The following FLYWCH1 variants were observed in gnomAD, a reference collection of about 807,000 sequenced individuals.
FLYWCH1 encodes FLYWCH-type zinc finger-containing protein 1.
Under a neutral mutation model 66.4 loss-of-function variants are expected in FLYWCH1, and 75 were observed. The ratio of observed to expected loss-of-function variants is 1.13; its 90% CI spans 0.94 to 1.37. The LOEUF (loss-of-function observed/expected upper bound fraction) is 1.37. Among genes scored for constraint, FLYWCH1 ranks in the 40% most tolerant of loss-of-function variants. The probability of loss-of-function intolerance (pLI) is 0.00; values close to 1 mark genes in which losing one functional copy is unlikely to be tolerated. For missense variants in FLYWCH1, 1,334 were observed against 1,001.8 expected (o/e 1.33, Z -4.48); for synonymous variants, 595 against 429.9 (o/e 1.38, Z -4.75).
intron 9 of FLYWCH1, among the ~76,000 whole-genome samples, chr16:2,947,070 T>C (rs2071515805): frequency 6.6e-6 from 1 of 152,168 alleles, no homozygotes; most frequent in East Asian, 1.9e-4. Flanking sequence ...TTATTCCTAA[T>C]AGGCAAAAAT....
At chr16:2,938,894 G>A (rs1437262834) in intron 8 of FLYWCH1, among the ~76,000 whole-genome samples, 4 of 149,888 alleles carry the variant, frequency 2.7e-5, no homozygotes, top group African/African-American at 9.9e-5. Flanking sequence ...TTACAGGCGT[G>A]AGTCACTGTG....
At chr16:2,937,624 G>C (rs908652466) in intron 7 of FLYWCH1, among the ~76,000 whole-genome samples, 3 of 152,142 alleles carry the variant, frequency 2.0e-5, no homozygotes, top group Admixed American at 2.0e-4. Context: ...TAGAGGAAGA[G>C]GATGGTGGCC....
At chr16:2,932,970 G>C (rs1207722095) in intron 4 of FLYWCH1, among the ~76,000 whole-genome samples, 160 bp from the exon 5 acceptor site, 1 of 152,028 alleles carries the variant, frequency 6.6e-6, no homozygotes, top group East Asian at 1.9e-4. Context: ...GGTTCAGTGG[G>C]AATGGGTTTG....
At position 2,933,375 on chromosome 16, in the gene FLYWCH1, G is replaced by T. The variant is rs551653171; in HGVS notation, c.1042G>T (p.Val348Leu). ...AGCCCGGCGGCAGCAGGAGAAGGCCGTGGAGACGCTGCAGGCTGGGCAGGA... is the reference window on the plus strand; with the variant it reads ...AGCCCGGCGGCAGCAGGAGAAGGCCTTGGAGACGCTGCAGGCTGGGCAGGA... ...LEARRQQEKA[V>L]ETLQAGQDGP... The change falls in exon 5 of 10, where the codon GTG becomes TTG. Residue 348 changes from valine (V) to leucine (L), a missense_variant. Physicochemically the swap from Val to Leu is conservative, Grantham distance 32. Coordinates refer to ENST00000253928, the MANE Select transcript of FLYWCH1 (RefSeq NM_001308068.2). The T allele has an allele frequency of 6.2e-7, 1 of 1,602,636 alleles. No individual in the cohort carries two copies. The highest frequency in any genetic ancestry group is 8.5e-7 in the Non-Finnish European group (1 of 1,175,316).
chr16:2,925,103 C>G (rs1446202394), intron 2 of FLYWCH1, among the ~76,000 whole-genome samples: 1 of 152,212 alleles, frequency 6.6e-6, no homozygotes, highest in Non-Finnish European at 1.5e-5. Flanking sequence ...GCGGGGTGAA[C>G]AGTGTGCGAG....
At chr16:2,931,305 TAAAAAAAAA>T (rs150704073) in intron 4 of FLYWCH1, among the ~76,000 whole-genome samples, 2 of 87,468 alleles carry the variant, frequency 2.3e-5, no homozygotes, top group East Asian at 3.3e-4. Flanking sequence ...TCCATCTCAG[TAAAAAAAAA>T]AAAAAAAAAA....
intron 2 of FLYWCH1, among the ~76,000 whole-genome samples, chr16:2,924,903 G>A (rs1251613225): frequency 6.6e-6 from 1 of 152,232 alleles, no homozygotes; most frequent in Non-Finnish European, 1.5e-5. Context: ...AAACAGAAGT[G>A]GGAAGTGGTC....
chr16:2,913,533 G>A (rs1414623243), intron 1 of FLYWCH1, among the ~76,000 whole-genome samples: 2 of 152,154 alleles, frequency 1.3e-5, no homozygotes, highest in African/African-American at 4.8e-5. Context: ...ACAACGTGTG[G>A]TAGGGCATGA....
chr16:2,933,834 C>T lies in FLYWCH1; in HGVS notation c.1368C>T (p.Ala456=), dbSNP rs761681964. The T allele has an allele frequency of 1.8e-5, 29 of 1,607,552 alleles. No homozygotes were observed. The highest frequency in any genetic ancestry group is 2.1e-5 in the Non-Finnish European group (25 of 1,177,720). ...TGTATTGGACCTGCCGGGACCAGGC[C>T]CGCATGGGCTGCCGCAGCCGCGCCA... ...EKVYWTCRDQ[A]RMGCRSRAIT... is the part of the protein sequence containing the mutation. The change falls in exon 6 of 10, where the codon GCC becomes GCT. Residue 456 remains alanine, a synonymous_variant. Coordinates refer to ENST00000253928, the MANE Select transcript of FLYWCH1 (RefSeq NM_001308068.2).
chr16:2,924,214 C>T (rs2070477651), intron 2 of FLYWCH1, among the ~76,000 whole-genome samples: 1 of 151,992 alleles, frequency 6.6e-6, no homozygotes, highest in Non-Finnish European at 1.5e-5. Flanking sequence ...CCTGTAGTCC[C>T]AGCTCCTCGG....
chr16:2,933,660 G>T (rs534978187), intron 5 of FLYWCH1, 56 bp from the exon 6 acceptor site: 4 of 1,570,952 alleles, frequency 2.5e-6, no homozygotes, highest in Admixed American at 3.6e-5. Context: ...AAGGGGGTGC[G>T]ATCAGGCCTA....
intron 2 of FLYWCH1, among the ~76,000 whole-genome samples, chr16:2,919,818 A>G (rs1179490937): frequency 1.3e-5 from 2 of 152,202 alleles, no homozygotes; most frequent in Non-Finnish European, 2.9e-5. Flanking sequence ...CCAAGGCAAT[A>G]GGAACATTTC....
intron 2 of FLYWCH1, among the ~76,000 whole-genome samples, chr16:2,919,964 T>G (rs1290342281): frequency 6.6e-6 from 1 of 152,070 alleles, no homozygotes; most frequent in African/African-American, 2.4e-5. Flanking sequence ...TGGTGGGGGC[T>G]TCCTGCTCTC....
chr16:2,932,626 A>G (rs1481902227), intron 4 of FLYWCH1, among the ~76,000 whole-genome samples: 1 of 152,098 alleles, frequency 6.6e-6, no homozygotes, highest in East Asian at 1.9e-4. Flanking sequence ...GGGAACAGGG[A>G]GACTTATTTT....
At chr16:2,940,482 C>T (rs994023488) in intron 9 of FLYWCH1, among the ~76,000 whole-genome samples, 1 of 152,218 alleles carries the variant, frequency 6.6e-6, no homozygotes, top group Non-Finnish European at 1.5e-5. Flanking sequence ...GTGGCCCAGG[C>T]TGGAGTACAG....
In FLYWCH1 at chr16:2,933,503, G is replaced by T. The variant is rs776972914; in HGVS notation, c.1170G>T (p.Lys390Asn). The change falls in exon 5 of 10, where the codon AAG becomes AAT. Residue 390 changes from lysine to asparagine, a missense_variant. By Grantham distance (94) the Lys-to-Asn change is moderately conservative. Transcript: ENST00000253928. The stretch of plus-strand genomic sequence containing the variant: ...CTCTCACCAGGCCTCGGCCCAGAAA[G>T]CGAGCAAAGGTCGAAGACCAGGAGC... ...PLTLTRPRPR[K>N]RAKVEDQELP... 2 of 1,611,690 alleles carry T rather than the reference G, an allele frequency of 1.2e-6. No homozygotes were observed. The highest frequency in any genetic ancestry group is 2.2e-5 in the East Asian group (1 of 44,798).
intron 2 of FLYWCH1, among the ~76,000 whole-genome samples, chr16:2,915,936 C>A (rs1168334921): frequency 6.6e-6 from 1 of 152,182 alleles, no homozygotes; most frequent in Non-Finnish European, 1.5e-5. Context: ...GATTATAAGG[C>A]TGATTTCATC....
intron 8 of FLYWCH1, 150 bp downstream of exon 8, chr16:2,938,606 T>C: frequency 1.6e-6 from 1 of 616,556 alleles, no homozygotes; most frequent in Non-Finnish European, 2.3e-6. Flanking sequence ...AACCAGTCTT[T>C]GTTTTTTTTT....
intron 2 of FLYWCH1, among the ~76,000 whole-genome samples, chr16:2,923,629 T>C (rs1468914751): frequency 6.6e-5 from 10 of 152,226 alleles, no homozygotes; most frequent in African/African-American, 2.2e-4. Flanking sequence ...AAGCCATTTA[T>C]ATGCACCCAT....
Sources: allele counts gnomAD v4.1 joint callset (sites outside exome capture counted in the v4.1 genomes callset), GRCh38; gene constraint gnomAD v4.1.1; transcripts MANE v1.5; gene names NCBI Gene and HGNC (gene_info 2026-07-23, HGNC 2026-07-21).